Variants in NKAIN4 observed in about 807,000 individuals in gnomAD.
The protein encoded by NKAIN4 is sodium/potassium transporting ATPase interacting 4.
NKAIN4 carries 28 observed loss-of-function variants against 28.8 expected under a neutral mutation model. That is an observed-to-expected ratio of 0.97 (90% CI 0.72 to 1.33). The LOEUF (loss-of-function observed/expected upper bound fraction) is 1.33. NKAIN4 is among the 40% of genes most tolerant of loss of function. The probability of loss-of-function intolerance (pLI) is 0.00; values close to 1 mark genes in which losing one functional copy is unlikely to be tolerated. For synonymous variants in NKAIN4, 122 were observed against 115.6 expected, an observed-to-expected ratio of 1.06 and a Z score of -0.36; for missense variants, 289 against 277.2, an observed-to-expected ratio of 1.04 and a Z score of -0.30.
rs111865052 is a variant in NKAIN4, at chr20:63,246,790, C to T, written c.471+788G>A. 14 of 985,482 alleles carry T rather than the reference C, an allele frequency of 1.4e-5. No homozygotes were observed. The African/African-American group carries it at 1.9e-4, about 13-fold the overall frequency. The allele number at this position is 985,482 out of a possible 1,614,324, so 61.0% of individuals were successfully genotyped here. On this transcript the variant is annotated intron_variant, in intron 4 of 6. Coordinates refer to ENST00000370316, the MANE Select transcript of NKAIN4 (RefSeq NM_152864.4). ...CGCTGACCGAGCACCCTCCACACAC[C>T]CGCCTCAGCTTTTGCCTCTTTCTGA...
intron 5 of NKAIN4, among the ~76,000 whole-genome samples, chr20:63,243,627 C>T (rs928808789): frequency 6.6e-6 from 1 of 152,190 alleles, no homozygotes; most frequent in Admixed American, 6.5e-5. Context: ...CAGATGGGTC[C>T]AGGCTGCCAC....
At chr20:63,251,002 A>C (rs1486560650) in intron 1 of NKAIN4, among the ~76,000 whole-genome samples, 2 of 149,236 alleles carry the variant, frequency 1.3e-5, no homozygotes, top group African/African-American at 2.5e-5. Context: ...CGCAGAGACC[A>C]GTAGTGGCCC....
chr20:63,247,418 G>A (rs932495587), intron 4 of NKAIN4, 160 bp downstream of exon 4: 58 of 1,537,516 alleles, frequency 3.8e-5, no homozygotes, highest in Non-Finnish European at 4.7e-5. Flanking sequence ...GGACCCACCC[G>A]TGATACCTTA....
chr20:63,251,453 C>A (rs1481354444), intron 1 of NKAIN4, among the ~76,000 whole-genome samples: 2 of 152,170 alleles, frequency 1.3e-5, no homozygotes, highest in African/African-American at 4.8e-5. Flanking sequence ...TCCCAGTCCG[C>A]TAAGTAGCAG....
chr20:63,243,655 C>A (rs45469101), intron 5 of NKAIN4, among the ~76,000 whole-genome samples: 2 of 152,132 alleles, frequency 1.3e-5, no homozygotes, highest in Non-Finnish European at 2.9e-5. Flanking sequence ...CTGATGTGAG[C>A]GTCCTGGCCA....
At chr20:63,253,840 G>GCGGCGGGGA (rs1366657625) in intron 1 of NKAIN4, 1 of 152,906 alleles carries the variant, frequency 6.5e-6, no homozygotes, top group African/African-American at 2.4e-5. Context: ...GGAATGGGGG[G>GCGGCGGGGA]CGGCGGGGGC....
chr20:63,244,011 GC>G lies in NKAIN4; in HGVS notation c.532+12del. Reference sequence around the variant, plus strand: ...GTCTCCCGCCCCACTGCCTGCAGAGGCCCCATACTCACAGCTGTCCTCTTCC... The same window carrying G: ...GTCTCCCGCCCCACTGCCTGCAGAGGCCCATACTCACAGCTGTCCTCTTCC... On this transcript the variant is annotated intron_variant, in intron 5 of 6. Transcript: ENST00000370316. 6.2e-7 allele frequency: 1 copy of G among 1,609,846 alleles called. No individual in the cohort carries two copies.
intron 1 of NKAIN4, chr20:63,253,847 G>GGGCGGCGGGGGCGGCGGT (rs2067005094): frequency 6.5e-6 from 1 of 152,864 alleles, no homozygotes; most frequent in African/African-American, 2.4e-5. Flanking sequence ...GGGGCGGCGG[G>GGGCGGCGGGGGCGGCGGT]GGCGGGCGGG....
chr20:63,250,139 T>A (rs1219588900), intron 1 of NKAIN4, 67 bp from the exon 2 acceptor site: 12 of 1,485,510 alleles, frequency 8.1e-6, no homozygotes, highest in Non-Finnish European at 1.1e-5. Flanking sequence ...AGCCAGGTAC[T>A]GGGCCAAGGT....
upstream of NKAIN4, chr20:63,254,527 C>G (rs1601307847): frequency 2.7e-6 from 3 of 1,113,652 alleles, no homozygotes; most frequent in African/African-American, 3.3e-5. Context: ...CCCCACGCGC[C>G]GCAGCCTGGA....
At chr20:63,242,718 G>A (rs1406553781) in intron 5 of NKAIN4, 95 bp from the exon 6 acceptor site, 12 of 908,426 alleles carry the variant, frequency 1.3e-5, no homozygotes, top group Middle Eastern at 2.2e-4. Context: ...AAGCCCAAGG[G>A]GTCCCTGGGG....
intron 1 of NKAIN4, among the ~76,000 whole-genome samples, chr20:63,251,804 A>T (rs1316320970): frequency 6.6e-6 from 1 of 152,134 alleles, no homozygotes; most frequent in Non-Finnish European, 1.5e-5. Context: ...ATATTTTATT[A>T]TACTGGAACA....
intron 5 of NKAIN4, 147 bp downstream of exon 5, chr20:63,243,877 G>A: frequency 6.1e-6 from 4 of 657,578 alleles, no homozygotes; most frequent in Non-Finnish European, 1.1e-5. Context: ...TCCTCGCTCA[G>A]GCCTACGGCC....
At chr20:63,246,023 G>A (rs185575266) in intron 4 of NKAIN4, among the ~76,000 whole-genome samples, 1 of 151,906 alleles carries the variant, frequency 6.6e-6, no homozygotes, top group African/African-American at 2.4e-5. Context: ...TGCCTCCCGG[G>A]TTCATGCCAT....
At chr20:63,247,977 G>A (rs1164463934) in intron 3 of NKAIN4, among the ~76,000 whole-genome samples, 6 of 151,472 alleles carry the variant, frequency 4.0e-5, no homozygotes, top group Non-Finnish European at 8.8e-5. Context: ...CCGCTCCTGC[G>A]CCTGCCCTCG....
In NKAIN4 at chr20:63,252,295, C is replaced by G. The variant is rs906064266; in HGVS notation, c.54+2102G>C. On this transcript the variant is annotated intron_variant, in intron 1 of 6. Coordinates refer to ENST00000370316, the MANE Select transcript of NKAIN4 (RefSeq NM_152864.4). The surrounding 1 kb of genome is among the most constrained non-coding windows in gnomAD (Gnocchi z 4.6). ...CCCAAACCCCTTCCTGGGCCTTTGGCTCCCAGGGTCTCCTCAATGCAGCAG... is the reference window on the plus strand; with the variant it reads ...CCCAAACCCCTTCCTGGGCCTTTGGGTCCCAGGGTCTCCTCAATGCAGCAG... 6.6e-6 allele frequency among the ~76,000 whole-genome samples: 1 copy of G among 152,120 alleles called. No homozygotes were observed. The highest frequency in any genetic ancestry group is 6.5e-5 in the Admixed American group (1 of 15,288).
At position 63,249,814 on chromosome 20, in the gene NKAIN4, G is replaced by A. The variant is rs867461569; in HGVS notation, c.192+121C>T. On this transcript the variant is annotated intron_variant, in intron 2 of 6. Transcript: ENST00000370316. ...AAGAGGTCTGAACCCAGGGGTCTGGGTTGGCATTTGTGGGGTGTTCAGTGG... is the reference window on the plus strand; with the variant it reads ...AAGAGGTCTGAACCCAGGGGTCTGGATTGGCATTTGTGGGGTGTTCAGTGG... 5.1e-5 allele frequency: 53 copies of A among 1,048,642 alleles called. No homozygotes were observed. In the African/African-American group the frequency reaches 7.5e-4, roughly 15 times the overall value. 65.0% of individuals were successfully genotyped at this position (1,048,642 alleles called of 1,614,324 possible). A position where few individuals can be genotyped will look rare whatever the true frequency, so the allele number is the denominator to read the frequency against.
Position 63,241,477 on chromosome 20 carries a change from A to G in NKAIN4, c.*20T>C. 1 of 1,550,462 alleles carries G rather than the reference A, an allele frequency of 6.4e-7. No individual in the cohort carries two copies. The highest frequency in any genetic ancestry group is 1.2e-5 in the South Asian group (1 of 84,046). On this transcript the variant is annotated 3_prime_UTR_variant, in exon 7 of 7. Coordinates refer to ENST00000370316, the MANE Select transcript of NKAIN4 (RefSeq NM_152864.4). ...CGCTGAGGCTGGAGGCCACAGGAGC[A>G]GGATCAGCTGTTTCCTCACTTACGC...
At chr20:63,242,790 G>GA (rs2066780945) in intron 5 of NKAIN4, among the ~76,000 whole-genome samples, 167 bp from the exon 6 acceptor site, 1 of 150,842 alleles carries the variant, frequency 6.6e-6, no homozygotes, top group South Asian at 2.1e-4. Flanking sequence ...GGGGGACGGG[G>GA]GGGGTGGGAC....
Sources: gnomAD v4.1 joint callset for allele counts (sites outside exome capture counted in the v4.1 genomes callset) on GRCh38, gnomAD v4.1.1 for gene constraint, Gnocchi (gnomAD v3.1) non-coding constraint, MANE v1.5 for transcripts, NCBI Gene and HGNC (gene_info 2026-07-23, HGNC 2026-07-21) for gene names.